The following MCTP2 variants were observed in gnomAD, a reference collection of about 807,000 sequenced individuals.
MCTP2 encodes multiple C2 and transmembrane domain-containing protein 2.
Under a neutral mutation model 111.6 loss-of-function variants are expected in MCTP2, and 132 were observed. The observed-to-expected ratio is 1.18, with a 90% CI of 1.03 to 1.37. The LOEUF is 1.37. Ranked by LOEUF, MCTP2 falls within the 40% of genes most tolerant of loss-of-function variation. MCTP2 has a pLI of 0.00. For synonymous variants in MCTP2, 395 were observed against 387.7 expected, an observed-to-expected ratio of 1.02 and a Z score of -0.22; for missense variants, 1,183 against 1,067.9, an observed-to-expected ratio of 1.11 and a Z score of -1.50.
chr15:94,479,087 A>C lies in MCTP2; in HGVS notation c.*53A>C, dbSNP rs2074599359. The C allele has an allele frequency of 1.1e-5, 17 of 1,563,638 alleles. No individual in the cohort carries two copies. The South Asian group carries it at 1.9e-4, about 17-fold the overall frequency. Reference sequence around the variant, plus strand: ...CCCAATATTGTGTTTGGTTGAGTAGACCAATGTTATGGCTGTTTCAGTGGT... The same window carrying C: ...CCCAATATTGTGTTTGGTTGAGTAGCCCAATGTTATGGCTGTTTCAGTGGT... On this transcript the variant is annotated 3_prime_UTR_variant, in exon 23 of 23. Transcript: ENST00000357742.
intron 1 of MCTP2, among the ~76,000 whole-genome samples, chr15:94,258,409 C>T (rs1410131016): frequency 6.6e-6 from 1 of 152,030 alleles, no homozygotes; most frequent in Non-Finnish European, 1.5e-5. Context: ...CACCTGGGTC[C>T]ACAAAAAAGC....
rs560936451 is a variant in MCTP2, at chr15:94,305,423, G to GT, written c.465+6694dup. Among the ~76,000 whole-genome samples the GT allele has an allele frequency of 7.6e-4, 116 of 152,248 alleles. 3 individuals are homozygous for GT. The East Asian group carries it at 0.021, about 28-fold the overall frequency. On this transcript the variant is annotated intron_variant, in intron 2 of 22. Transcript: ENST00000357742. ...GCCAAGACTTGTGGCTAAAGAGGAG[G>GT]TAAGAGCACCATAGTCTACTGCCAC... is the stretch of plus-strand genomic sequence containing the variant.
intron 19 of MCTP2, among the ~76,000 whole-genome samples, chr15:94,453,741 T>C (rs2084620936): frequency 6.6e-6 from 1 of 152,142 alleles, no homozygotes; most frequent in Non-Finnish European, 1.5e-5. Flanking sequence ...CTTAAGACAG[T>C]TGTTGATAAA....
chr15:94,430,336 A>C (rs767636060), intron 17 of MCTP2, among the ~76,000 whole-genome samples: 2 of 151,604 alleles, frequency 1.3e-5, no homozygotes, highest in Non-Finnish European at 2.9e-5. Flanking sequence ...TGCTTCAGAC[A>C]CAAGGAGTCC....
intron 2 of MCTP2, among the ~76,000 whole-genome samples, chr15:94,309,917 A>G (rs913263941): frequency 6.6e-6 from 1 of 152,236 alleles, no homozygotes; most frequent in African/African-American, 2.4e-5. Flanking sequence ...GACTAATCTC[A>G]TAATAGTGCT....
At chr15:94,306,207 T>C (rs559192219) in intron 2 of MCTP2, among the ~76,000 whole-genome samples, 1 of 152,242 alleles carries the variant, frequency 6.6e-6, no homozygotes, top group South Asian at 2.1e-4. Context: ...AGGCAGAGAG[T>C]AATACAGATT....
chr15:94,333,643 G>A (rs1252036845), intron 4 of MCTP2, among the ~76,000 whole-genome samples: 1 of 152,068 alleles, frequency 6.6e-6, no homozygotes, highest in African/African-American at 2.4e-5. Context: ...AAAATGAAGG[G>A]GAGAACAAAA....
intron 1 of MCTP2, among the ~76,000 whole-genome samples, chr15:94,292,693 TG>T (rs2075087658): frequency 6.6e-6 from 1 of 152,230 alleles, no homozygotes. Context: ...CTCTCCAAAC[TG>T]CTCTATTTAT....
intron 8 of MCTP2, among the ~76,000 whole-genome samples, chr15:94,347,342 T>C (rs1055605563): frequency 4.6e-5 from 7 of 152,202 alleles, no homozygotes; most frequent in Non-Finnish European, 8.8e-5. Context: ...TAAAGAAGAT[T>C]ACTTAGCTCT....
At chr15:94,245,511 CAT>C (rs2071869760) in intron 1 of MCTP2, among the ~76,000 whole-genome samples, 2 of 136,254 alleles carry the variant, frequency 1.5e-5, no homozygotes, top group Admixed American at 7.5e-5. Flanking sequence ...TATATGTATA[CAT>C]ATATGTATAT....
chr15:94,243,218 C>CGTAT (rs2071199806), intron 1 of MCTP2, among the ~76,000 whole-genome samples: 1 of 148,536 alleles, frequency 6.7e-6, no homozygotes, highest in African/African-American at 2.5e-5. Context: ...TACGTATATA[C>CGTAT]ATACGTATGC....
chr15:94,370,269 AAGTATG>A, intron 12 of MCTP2, 89 bp downstream of exon 12: 1 of 1,028,492 alleles, frequency 9.7e-7, no homozygotes, highest in South Asian at 1.5e-5. Flanking sequence ...TAATAAGCAG[AAGTATG>A]ACTATAACAG....
At chr15:94,461,025 T>G (rs3784640) in intron 20 of MCTP2, among the ~76,000 whole-genome samples, 63,807 of 150,820 alleles carry the variant, frequency 0.42, 14,004 homozygotes, top group Middle Eastern at 0.51. Context: ...ACTGATGGGT[T>G]GGGGGGGACC....
At chr15:94,395,418 A>T (rs1271963631) in intron 14 of MCTP2, among the ~76,000 whole-genome samples, 3 of 152,276 alleles carry the variant, frequency 2.0e-5, no homozygotes, top group Non-Finnish European at 2.9e-5. Flanking sequence ...AAAGCCATTG[A>T]TGGTTTTATT....
chr15:94,466,056 T>TCTTAA (rs1275862584), intron 20 of MCTP2, among the ~76,000 whole-genome samples: 1 of 152,206 alleles, frequency 6.6e-6, no homozygotes, highest in Non-Finnish European at 1.5e-5. Flanking sequence ...TTCATTGGGT[T>TCTTAA]CTTAACTTCA....
intron 19 of MCTP2, among the ~76,000 whole-genome samples, chr15:94,443,981 CAAAAAAAAAAA>C (rs58768404): frequency 1.7e-4 from 12 of 69,414 alleles, no homozygotes; most frequent in Admixed American, 4.3e-4. Flanking sequence ...GATATTTTAC[CAAAAAAAAAAA>C]AAAAAAAAAA....
intron 14 of MCTP2, among the ~76,000 whole-genome samples, chr15:94,390,089 T>TAC (rs1567602819): frequency 7.3e-4 from 10 of 13,610 alleles, no homozygotes; most frequent in African/African-American, 1.5e-3. Context: ...TATATATATA[T>TAC]GTATATATAT....
intron 17 of MCTP2, among the ~76,000 whole-genome samples, chr15:94,437,256 T>C (rs930659691): frequency 2.6e-5 from 4 of 151,372 alleles, no homozygotes; most frequent in Non-Finnish European, 4.4e-5. Flanking sequence ...GCAGTTGATA[T>C]GATTTTCTAC....
intron 1 of MCTP2, among the ~76,000 whole-genome samples, chr15:94,281,955 C>G (rs1284999295): frequency 6.6e-6 from 1 of 152,126 alleles, no homozygotes; most frequent in Non-Finnish European, 1.5e-5. Context: ...CCCCTTCTCT[C>G]TAGCTGCCTT....
Sources: gnomAD v4.1 joint callset for allele counts (sites outside exome capture counted in the v4.1 genomes callset) on GRCh38, gnomAD v4.1.1 for gene constraint, MANE v1.5 for transcripts, NCBI Gene and HGNC (gene_info 2026-07-23, HGNC 2026-07-21) for gene names.